The following ZWILCH variants were observed in gnomAD, a reference collection of about 807,000 sequenced individuals.
ZWILCH encodes zwilch kinetochore protein.
ZWILCH carries 74 observed loss-of-function variants against 79.9 expected under a neutral mutation model. The observed-to-expected ratio is 0.93, with a 90% CI of 0.77 to 1.12. ZWILCH has a LOEUF of 1.12. Ranked by LOEUF, ZWILCH falls within the 50% of genes most tolerant of loss-of-function variation. The pLI, the probability that ZWILCH is intolerant of heterozygous loss-of-function variation, is 0.00. For missense variants in ZWILCH, 694 were observed against 687.5 expected (o/e 1.01, Z -0.11); for synonymous variants, 241 against 228.2 (o/e 1.06, Z -0.51).
rs1478970466 is a variant in ZWILCH, at chr15:66,528,859, A to C, written c.977A>C (p.Lys326Thr). Residue 326 changes from lysine (K) to threonine (T), a missense_variant, in exon 11 of 19, where the codon AAG (lysine) becomes ACG (threonine). By Grantham distance (78) the Lys-to-Thr change is moderately conservative (BLOSUM62 -1). Transcript: ENST00000307897. The stretch of plus-strand genomic sequence containing the variant: ...AGGTTGCTTCTTTTTCAGACCTTGA[A>C]GCATGACACTGCTGCAGTCGATCGT... ...TKKDTEVETL[K>T]HDTAAVDRSV... The C allele has an allele frequency of 6.8e-6, 11 of 1,613,684 alleles. No individual in the cohort carries two copies. Among genetic ancestry groups the C allele is most frequent in the Non-Finnish European group, 9.3e-6 (11 of 1,179,802 alleles).
chr15:66,522,467 A>T (rs923575528), intron 7 of ZWILCH, among the ~76,000 whole-genome samples: 9 of 150,600 alleles, frequency 6.0e-5, no homozygotes, highest in Non-Finnish European at 7.4e-5. Context: ...CCTCCCAAGT[A>T]GCTGGGACTA....
chr15:66,544,720 GT>G (rs1555426549), intron 17 of ZWILCH, among the ~76,000 whole-genome samples: 191 of 141,382 alleles, frequency 1.4e-3, no homozygotes, highest in Admixed American at 1.2e-3. Flanking sequence ...TGTTTTTTTG[GT>G]TTTTGTGTGT....
chr15:66,523,115 G>T (rs765177541), intron 7 of ZWILCH, among the ~76,000 whole-genome samples: 2 of 152,188 alleles, frequency 1.3e-5, no homozygotes, highest in Non-Finnish European at 2.9e-5. Context: ...GAGCTACTGC[G>T]CCCAGACATG....
rs1227154497 is a variant in ZWILCH at position 66,515,167 on chromosome 15, CTCG to C, written c.202-358_202-356del. Among the ~76,000 whole-genome samples, 41 of 151,422 alleles carry C rather than the reference CTCG, an allele frequency of 2.7e-4. 1 individual carries two copies. In the East Asian group the frequency reaches 7.4e-3, roughly 27 times the overall value. On this transcript the variant is annotated intron_variant, in intron 3 of 18. Coordinates refer to ENST00000307897, the MANE Select transcript of ZWILCH (RefSeq NM_017975.5). Reference sequence around the variant, plus strand: ...GTCTCCCTGTGTTGCCTTGGTTTGTCTCGACCTCTTGGGCTTAAGTGATTCTCC... The same window carrying C: ...GTCTCCCTGTGTTGCCTTGGTTTGTCACCTCTTGGGCTTAAGTGATTCTCC...
rs1894456628 is a variant in ZWILCH at position 66,520,633 on chromosome 15, A to G, written c.564A>G (p.Leu188=). The G allele has an allele frequency of 5.1e-6, 8 of 1,554,514 alleles. No homozygotes were observed. The highest frequency in any genetic ancestry group is 3.5e-5 in the Admixed American group (2 of 57,696). The change falls in exon 6 of 19, where the codon TTA becomes TTG. Residue 188 remains leucine (L), a synonymous_variant. Coordinates refer to ENST00000307897, the MANE Select transcript of ZWILCH (RefSeq NM_017975.5). ...TAAATCTTGAAAACCTAAAAAATTT[A>G]CACAAGAAAAGACATCACTTGTCTA... ...YSVNLENLKN[L]HKKRHHLSTV...
chr15:66,533,592 CTA>C (rs919230593), intron 14 of ZWILCH, among the ~76,000 whole-genome samples: 9 of 152,154 alleles, frequency 5.9e-5, no homozygotes, highest in African/African-American at 2.2e-4. Context: ...GATAGAAAAA[CTA>C]TATCTGTTGT....
At chr15:66,531,913 A>T (rs1271641630) in intron 12 of ZWILCH, among the ~76,000 whole-genome samples, 8 of 152,058 alleles carry the variant, frequency 5.3e-5, no homozygotes, top group Non-Finnish European at 1.0e-4. Flanking sequence ...CTAAAAATAT[A>T]AAAATTAGCC....
Position 66,532,292 on chromosome 15 carries a change from T to C in ZWILCH, c.1201T>C (p.Ser401Pro). 2 of 1,610,780 alleles carry C rather than the reference T, an allele frequency of 1.2e-6. No homozygotes were observed. The highest frequency in any genetic ancestry group is 1.7e-6 in the Non-Finnish European group (2 of 1,178,648). Reference sequence around the variant, plus strand: ...TTTACTAAGTAAGCTCATTCATCAGTCTTATCATGGAACCATGGACACAGT... The same window carrying C: ...TTTACTAAGTAAGCTCATTCATCAGCCTTATCATGGAACCATGGACACAGT... ...NSLLSKLIHQ[S>P]YHGTMDTVSL... Residue 401 changes from serine to proline, a missense_variant, in exon 13 of 19, where the codon TCT becomes CCT. Transcript: ENST00000307897.
intron 8 of ZWILCH, among the ~76,000 whole-genome samples, chr15:66,524,818 T>G (rs1394831359): frequency 6.6e-6 from 1 of 152,180 alleles, no homozygotes; most frequent in Non-Finnish European, 1.5e-5. Flanking sequence ...CTTTCTCACC[T>G]TTCTTCTTTC....
At chr15:66,511,064 G>C (rs1437766683) in intron 2 of ZWILCH, among the ~76,000 whole-genome samples, 2 of 152,210 alleles carry the variant, frequency 1.3e-5, no homozygotes, top group Admixed American at 1.3e-4. Flanking sequence ...CAAGAACCTA[G>C]TAGATTAGAA....
At chr15:66,535,878 C>A in intron 14 of ZWILCH, 55 bp from the exon 15 acceptor site, 7 of 1,498,734 alleles carry the variant, frequency 4.7e-6, no homozygotes, top group Non-Finnish European at 6.2e-6. Context: ...ATATTCTTTA[C>A]AAAGGTTACA....
intron 2 of ZWILCH, among the ~76,000 whole-genome samples, chr15:66,512,950 T>C (rs930366961): frequency 1.3e-5 from 2 of 152,268 alleles, no homozygotes; most frequent in South Asian, 2.1e-4. Flanking sequence ...CCCGCCACCA[T>C]GCCTGCCTGA....
At chr15:66,527,815 A>C in intron 9 of ZWILCH, 42 bp from the exon 10 acceptor site, 2 of 1,547,616 alleles carry the variant, frequency 1.3e-6, no homozygotes, top group Middle Eastern at 1.7e-4. Flanking sequence ...TAATTTGGAA[A>C]GCAGAAAAAT....
chr15:66,528,875 A>G lies in ZWILCH; in HGVS notation c.993A>G (p.Ala331=). Residue 331 remains alanine, a synonymous_variant, in exon 11 of 19, where the codon GCA becomes GCG. Transcript: ENST00000307897. ...AGACCTTGAAGCATGACACTGCTGC[A>G]GTCGATCGTTCCGTCAAGCGTCTTT... ...EVETLKHDTA[A]VDRSVKRLFK... 2 of 1,614,094 alleles carry G rather than the reference A, an allele frequency of 1.2e-6. No individual in the cohort carries two copies. The highest frequency in any genetic ancestry group is 1.7e-6 in the Non-Finnish European group (2 of 1,179,964).
intron 15 of ZWILCH, among the ~76,000 whole-genome samples, chr15:66,536,818 CT>C (rs1483314997): frequency 1.3e-5 from 2 of 151,878 alleles, no homozygotes; most frequent in African/African-American, 4.8e-5. Flanking sequence ...GGAAGCTGTA[CT>C]TTTGTTTCTC....
intron 2 of ZWILCH, among the ~76,000 whole-genome samples, chr15:66,513,288 C>T (rs1034403999): frequency 2.6e-5 from 4 of 151,870 alleles, no homozygotes; most frequent in African/African-American, 9.7e-5. Flanking sequence ...AAGTTTTGGC[C>T]AGGACAGTGG....
chr15:66,533,061 A>G, intron 14 of ZWILCH, 48 bp downstream of exon 14: 1 of 1,384,006 alleles, frequency 7.2e-7, no homozygotes, highest in Non-Finnish European at 1.0e-6. Context: ...TTATTCAGTC[A>G]TTCTGTGTGC....
intron 15 of ZWILCH, 134 bp downstream of exon 15, chr15:66,536,203 T>C: frequency 1.5e-6 from 1 of 685,956 alleles, no homozygotes. Context: ...CATGCATGAG[T>C]CTAAGTCAGT....
rs756086037 is a variant in ZWILCH at position 66,529,574 on chromosome 15, G to A, written c.1155+1G>A. ...ACAACGTGGTGATATACAGCCATGGGTAGGTTTAGTAGTGTGTGTCAGATC... is the reference window on the plus strand; with the variant it reads ...ACAACGTGGTGATATACAGCCATGGATAGGTTTAGTAGTGTGTGTCAGATC... On this transcript the variant is annotated splice_donor_variant, in intron 12 of 18. Transcript: ENST00000307897. LOFTEE classifies it high-confidence loss of function. The A allele has an allele frequency of 6.2e-7, 1 of 1,609,712 alleles. No homozygotes were observed. Among genetic ancestry groups the A allele is most frequent in the South Asian group, 1.1e-5 (1 of 90,910 alleles).
Sources: allele counts gnomAD v4.1 joint callset (sites outside exome capture counted in the v4.1 genomes callset), GRCh38; gene constraint gnomAD v4.1.1; transcripts MANE v1.5; gene names NCBI Gene and HGNC (gene_info 2026-07-23, HGNC 2026-07-21).